ZBTB43: variants seen among roughly 807,000 people sequenced by gnomAD.
ZBTB43 encodes zinc finger and BTB domain containing 43.
ZBTB43 carries 6 observed loss-of-function variants against 31.1 expected under a neutral mutation model. That is an observed-to-expected ratio of 0.19 (90% CI 0.11 to 0.38). The LOEUF is 0.38. Among genes scored for constraint, ZBTB43 ranks in the 10% least tolerant of loss-of-function variants. ZBTB43 has a pLI of 1.00. For missense variants in ZBTB43, 379 were observed against 602.1 expected (o/e 0.63, Z 3.88); for synonymous variants, 212 against 221.7 (o/e 0.96, Z 0.39).
intron 2 of ZBTB43, among the ~76,000 whole-genome samples, chr9:126,816,713 C>T (rs1269418235): frequency 6.6e-6 from 1 of 152,160 alleles, no homozygotes; most frequent in South Asian, 2.1e-4. Context: ...TTGAGTGGGG[C>T]TGGAGGGGTA....
At chr9:126,816,565 A>C (rs1773589782) in intron 2 of ZBTB43, among the ~76,000 whole-genome samples, 1 of 152,052 alleles carries the variant, frequency 6.6e-6, no homozygotes, top group African/African-American at 2.4e-5. Context: ...TATTTTGTTT[A>C]ATTCTTGAGA....
At chr9:126,825,366 A>G (rs1438810352) in intron 2 of ZBTB43, among the ~76,000 whole-genome samples, 1 of 151,982 alleles carries the variant, frequency 6.6e-6, no homozygotes, top group Non-Finnish European at 1.5e-5. Context: ...TCTTATGAAC[A>G]AGTAATTTCA....
At chr9:126,816,095 G>T (rs1344010719) in intron 2 of ZBTB43, among the ~76,000 whole-genome samples, 1 of 152,092 alleles carries the variant, frequency 6.6e-6, no homozygotes, top group Non-Finnish European at 1.5e-5. Flanking sequence ...TCCATTCAGG[G>T]CAGTTTTCTT....
intron 2 of ZBTB43, among the ~76,000 whole-genome samples, chr9:126,822,794 C>G (rs2032544738): frequency 6.6e-6 from 1 of 152,164 alleles, no homozygotes; most frequent in Non-Finnish European, 1.5e-5. Flanking sequence ...GTTCAGCAGT[C>G]ACCACCCTGA....
chr9:126,825,976 A>C (rs966120955), intron 2 of ZBTB43, among the ~76,000 whole-genome samples: 1 of 148,026 alleles, frequency 6.8e-6, no homozygotes, highest in African/African-American at 2.5e-5. Context: ...CCTCCTGGGT[A>C]GCTGGGACTA....
chr9:126,827,301 G>T (rs1006459620), intron 2 of ZBTB43, among the ~76,000 whole-genome samples: 15 of 152,124 alleles, frequency 9.9e-5, no homozygotes, highest in African/African-American at 3.6e-4. Flanking sequence ...CAGCCTGAGG[G>T]GGCCAAAACA....
intron 2 of ZBTB43, among the ~76,000 whole-genome samples, chr9:126,815,472 T>C (rs941982837): frequency 4.0e-5 from 6 of 151,178 alleles, no homozygotes; most frequent in Middle Eastern, 3.4e-3. Flanking sequence ...CACAGCTCAC[T>C]GATACTCTAT....
intron 2 of ZBTB43, among the ~76,000 whole-genome samples, chr9:126,809,937 G>A (rs1298630550): frequency 6.6e-6 from 1 of 151,718 alleles, no homozygotes; most frequent in Non-Finnish European, 1.5e-5. Context: ...CCAGGCTCAA[G>A]CAGTTCTCTG....
intron 2 of ZBTB43, among the ~76,000 whole-genome samples, chr9:126,818,298 T>A (rs9792453): frequency 0.18 from 26,032 of 146,048 alleles, 4,930 homozygotes; most frequent in African/African-American, 0.48. Context: ...AATTAAAAAA[T>A]ATATATATAT....
rs1045689028 is a variant in ZBTB43 at position 126,834,166 on chromosome 9, TCTGA to T, written c.*257_*260del. The T allele has an allele frequency of 4.3e-5, 16 of 374,424 alleles. No individual in the cohort carries two copies. The highest frequency in any genetic ancestry group is 3.3e-4 in the African/African-American group (16 of 48,858). 23.2% of individuals were successfully genotyped at this position (374,424 alleles called of 1,614,324 possible). On this transcript the variant is annotated 3_prime_UTR_variant, in exon 3 of 3. Transcript: ENST00000373464. ...ACCGCCCAGCTGGCAAGGGAAACCT[TCTGA>T]CTGGTTGTGATCGAAACAGGTGGAC...
chr9:126,833,977 G>A lies in ZBTB43; in HGVS notation c.*64G>A, dbSNP rs2032826927. 1 of 1,468,598 alleles carries A rather than the reference G, an allele frequency of 6.8e-7. No individual in the cohort carries two copies. Among genetic ancestry groups the A allele is most frequent in the Admixed American group, 2.1e-5 (1 of 46,658 alleles). The allele number at this position is 1,468,598 out of a possible 1,614,324, so 91.0% of individuals were successfully genotyped here. On this transcript the variant is annotated 3_prime_UTR_variant, in exon 3 of 3. Coordinates refer to ENST00000373464, the MANE Select transcript of ZBTB43 (RefSeq NM_014007.4). This position sits in a 1 kb window ranked among gnomAD's most constrained non-coding sequence, Gnocchi z 7.9. ...AACTATGGTAATTAATGCAAATCTG[G>A]GCACAGATGATGCGTGCTACTTGCT...
At chr9:126,806,652 T>C (rs1564197805) in intron 1 of ZBTB43, among the ~76,000 whole-genome samples, 1 of 152,168 alleles carries the variant, frequency 6.6e-6, no homozygotes, top group Non-Finnish European at 1.5e-5. Flanking sequence ...TTTTATACAA[T>C]ACAAAAAACA....
intron 2 of ZBTB43, among the ~76,000 whole-genome samples, chr9:126,823,675 A>G (rs1018508512): frequency 4.6e-5 from 7 of 152,074 alleles, no homozygotes; most frequent in African/African-American, 1.7e-4. Flanking sequence ...TTCTTCCATT[A>G]TTGCCCCCAT....
chr9:126,819,999 T>A (rs922199985), intron 2 of ZBTB43, among the ~76,000 whole-genome samples: 4 of 152,162 alleles, frequency 2.6e-5, no homozygotes, highest in African/African-American at 9.7e-5. Flanking sequence ...CTGAACACTG[T>A]GAGAGAGGTG....
At chr9:126,816,091 C>T (rs866817675) in intron 2 of ZBTB43, among the ~76,000 whole-genome samples, 14 of 152,122 alleles carry the variant, frequency 9.2e-5, no homozygotes, top group African/African-American at 3.4e-4. Flanking sequence ...GTTTTCCATT[C>T]AGGGCAGTTT....
At chr9:126,816,220 G>A (rs76347874) in intron 2 of ZBTB43, among the ~76,000 whole-genome samples, 1,556 of 151,930 alleles carry the variant, frequency 0.01, 25 homozygotes, top group African/African-American at 0.036. Flanking sequence ...CTTCTCTCTC[G>A]CTGTTTTCAC....
intron 2 of ZBTB43, among the ~76,000 whole-genome samples, chr9:126,821,185 A>G (rs2032501493): frequency 1.3e-5 from 2 of 151,954 alleles, no homozygotes; most frequent in Admixed American, 1.3e-4. Context: ...CCTAGCCAAC[A>G]TGGTAAAACC....
At chr9:126,829,995 A>C (rs1285909627) in intron 2 of ZBTB43, among the ~76,000 whole-genome samples, 1 of 152,352 alleles carries the variant, frequency 6.6e-6, no homozygotes, top group South Asian at 2.1e-4. Flanking sequence ...CTCTAAAAAC[A>C]CAGTCTTTTA....
At position 126,829,168 on chromosome 9, in the gene ZBTB43, A is replaced by G. The variant is rs565942073; in HGVS notation, c.-23-3319A>G. Among the ~76,000 whole-genome samples, 3 of 152,266 alleles carry G rather than the reference A, an allele frequency of 2.0e-5. No individual in the cohort carries two copies. In the South Asian group the frequency reaches 6.2e-4, roughly 32 times the overall value. On this transcript the variant is annotated intron_variant, in intron 2 of 2. Transcript: ENST00000373464. ...ATGTATCAGAAAATTTTTTAAAAAC[A>G]TTAGCCAGGCATGGTGGCATGCCTA...
Sources: allele counts gnomAD v4.1 joint callset (sites outside exome capture counted in the v4.1 genomes callset), GRCh38; gene constraint gnomAD v4.1.1; non-coding constraint Gnocchi (gnomAD v3.1); transcripts MANE v1.5; gene names NCBI Gene and HGNC (gene_info 2026-07-23, HGNC 2026-07-21).